The following SNTG2 variants were observed in gnomAD, a reference collection of about 807,000 sequenced individuals.
SNTG2 encodes the protein gamma-2-syntrophin.
Under a neutral mutation model 70.9 loss-of-function variants are expected in SNTG2, and 74 were observed. The observed-to-expected ratio is 1.04, with a 90% confidence interval of 0.86 to 1.27. The LOEUF is 1.27. SNTG2 is among the 50% of genes most tolerant of loss of function. The pLI, the probability that SNTG2 is intolerant of heterozygous loss-of-function variation, is 0.00. For synonymous variants in SNTG2, 278 were observed against 273.8 expected, an observed-to-expected ratio of 1.02 and a Z score of -0.15; for missense variants, 717 against 690.7, an observed-to-expected ratio of 1.04 and a Z score of -0.43.
chr2:1,162,509 C>G (rs998609031), intron 6 of SNTG2, among the ~76,000 whole-genome samples: 5 of 152,146 alleles, frequency 3.3e-5, no homozygotes, highest in African/African-American at 1.2e-4. Flanking sequence ...CCCGGGACAA[C>G]TAGGGTATTA....
At chr2:1,058,665 T>C (rs1185345462) in intron 1 of SNTG2, among the ~76,000 whole-genome samples, 2 of 152,230 alleles carry the variant, frequency 1.3e-5, no homozygotes, top group African/African-American at 2.4e-5. Context: ...ATTGGGGACC[T>C]GCATGGGAGT....
chr2:1,122,064 TAGAA>T (rs1340650580), intron 4 of SNTG2, among the ~76,000 whole-genome samples: 1 of 151,856 alleles, frequency 6.6e-6, no homozygotes, highest in Non-Finnish European at 1.5e-5. Flanking sequence ...CAGGAAAAAA[TAGAA>T]AGACTGAACT....
intron 8 of SNTG2, among the ~76,000 whole-genome samples, chr2:1,175,038 C>A (rs552532710): frequency 6.6e-6 from 1 of 152,166 alleles, no homozygotes; most frequent in Non-Finnish European, 1.5e-5. Flanking sequence ...TTCAAGAAAT[C>A]TTTCTTATCT....
intron 14 of SNTG2, among the ~76,000 whole-genome samples, chr2:1,280,607 G>C (rs892915275): frequency 6.6e-6 from 1 of 152,206 alleles, no homozygotes; most frequent in African/African-American, 2.4e-5. Flanking sequence ...CCATTTTGGA[G>C]CCTCATCCAA....
chr2:966,248 G>A (rs975524973), intron 1 of SNTG2, among the ~76,000 whole-genome samples: 2 of 152,208 alleles, frequency 1.3e-5, no homozygotes, highest in Non-Finnish European at 2.9e-5. Flanking sequence ...GTTTGTTGTT[G>A]CACTTACAAT....
At chr2:979,495 A>G (rs1053694445) in intron 1 of SNTG2, among the ~76,000 whole-genome samples, 14 of 151,974 alleles carry the variant, frequency 9.2e-5, no homozygotes, top group African/African-American at 2.9e-4. Context: ...GTTGGTCACC[A>G]TGTATCTTTG....
intron 6 of SNTG2, chr2:1,160,113 G>A (rs1358161332): frequency 1.3e-5 from 2 of 152,172 alleles, no homozygotes; most frequent in Non-Finnish European, 2.9e-5. Context: ...TGGGATACAT[G>A]GTGTACATGG....
intron 1 of SNTG2, among the ~76,000 whole-genome samples, chr2:1,030,773 A>G (rs903998600): frequency 6.6e-6 from 1 of 151,732 alleles, no homozygotes; most frequent in Non-Finnish European, 1.5e-5. Context: ...TCTCAAGTGT[A>G]CCATAAAACT....
chr2:1,295,907 T>C (rs867654694), intron 14 of SNTG2, among the ~76,000 whole-genome samples: 55 of 107,874 alleles, frequency 5.1e-4, no homozygotes, highest in South Asian at 1.1e-3. Context: ...GGCTGAGTCT[T>C]CCATGTTGGG....
At chr2:1,197,549 G>GTATATGTATA (rs149042012) in intron 8 of SNTG2, among the ~76,000 whole-genome samples, 2,227 of 133,948 alleles carry the variant, frequency 0.017, 129 homozygotes, top group East Asian at 0.028. Context: ...GTGTGTGTGT[G>GTATATGTATA]TATATTTGAT....
chr2:1,082,704 C>T (rs540304755), intron 1 of SNTG2, among the ~76,000 whole-genome samples: 8 of 152,332 alleles, frequency 5.3e-5, no homozygotes, highest in African/African-American at 7.2e-5. Flanking sequence ...GGCATGTGGC[C>T]GGGCATAACT....
chr2:1,122,722 CAAAAAAAAA>C lies in SNTG2; in HGVS notation c.326-14888_326-14880del, dbSNP rs60163290. 1.2e-3 allele frequency among the ~76,000 whole-genome samples: 142 copies of C among 121,892 alleles called. 1 individual carries two copies. Among genetic ancestry groups the C allele is most frequent in the African/African-American group, 2.1e-3 (77 of 36,356 alleles). 80.0% of individuals were successfully genotyped at this position (121,892 alleles called of 152,430 possible). A position where few individuals can be genotyped will look rare whatever the true frequency, so the allele number is the denominator to read the frequency against. ...GAAGTACTTGCAATTAGCAATCAGA[CAAAAAAAAA>C]AAAAAAAAAAAGGCATCCGAATAAG... is the stretch of plus-strand genomic sequence containing the variant. On this transcript the variant is annotated intron_variant, in intron 4 of 16. Transcript: ENST00000308624.
At position 1,122,845 on chromosome 2, in the gene SNTG2, A is replaced by G. The variant is rs1468485817; in HGVS notation, c.326-14777A>G. On this transcript the variant is annotated intron_variant, in intron 4 of 16. Transcript: ENST00000308624. Reference sequence around the variant, plus strand: ...TTCCACAGAAAAACTGTTAGAACCAATAATTCAGTAAAGTTTCAGGATATG... The same window carrying G: ...TTCCACAGAAAAACTGTTAGAACCAGTAATTCAGTAAAGTTTCAGGATATG... 1.3e-5 allele frequency among the ~76,000 whole-genome samples: 2 copies of G among 152,212 alleles called. 1 individual carries two copies. Among genetic ancestry groups the G allele is most frequent in the Admixed American group, 1.3e-4 (2 of 15,284 alleles).
intron 8 of SNTG2, among the ~76,000 whole-genome samples, chr2:1,197,600 G>C (rs998797701): frequency 6.6e-6 from 1 of 151,426 alleles, no homozygotes; most frequent in African/African-American, 2.4e-5. Context: ...GCAGTGGCAT[G>C]ATCATGGCTT....
chr2:1,084,045 A>T (rs577961352), intron 2 of SNTG2, among the ~76,000 whole-genome samples: 1 of 152,136 alleles, frequency 6.6e-6, no homozygotes. Flanking sequence ...CATCTCAAAA[A>T]AAAAAGGAAA....
chr2:1,269,325 C>T (rs867169529), intron 14 of SNTG2, among the ~76,000 whole-genome samples: 1 of 151,982 alleles, frequency 6.6e-6, no homozygotes, highest in African/African-American at 2.4e-5. Flanking sequence ...GCAACCAAGC[C>T]CAAGAAACCT....
chr2:1,125,442 AGCACCCAT>A (rs1035910141), intron 4 of SNTG2, among the ~76,000 whole-genome samples: 1 of 151,836 alleles, frequency 6.6e-6, no homozygotes, highest in Non-Finnish European at 1.5e-5. Flanking sequence ...TTGCCTTCAA[AGCACCCAT>A]GCATTTGTGC....
intron 14 of SNTG2, among the ~76,000 whole-genome samples, chr2:1,305,925 A>G (rs1680649954): frequency 6.6e-6 from 1 of 152,216 alleles, no homozygotes; most frequent in African/African-American, 2.4e-5. Context: ...GATGTTTACA[A>G]TTTCTACAGA....
intron 1 of SNTG2, among the ~76,000 whole-genome samples, chr2:1,072,343 CTTTTTCTTTTTT>C (rs1663626480): frequency 8.5e-5 from 2 of 23,498 alleles, no homozygotes. Context: ...TTTTCTTTTT[CTTTTTCTTTTTT>C]TTTTTTTTTT....
Sources: gnomAD v4.1 joint callset for allele counts (sites outside exome capture counted in the v4.1 genomes callset) on GRCh38, gnomAD v4.1.1 for gene constraint, MANE v1.5 for transcripts, NCBI Gene and HGNC (gene_info 2026-07-23, HGNC 2026-07-21) for gene names.